The following MROH2B variants were observed in gnomAD, a reference collection of about 807,000 sequenced individuals.
MROH2B encodes maestro heat like repeat family member 2B, also known as maestro heat-like repeat-containing protein family member 2B.
MROH2B carries 177 observed loss-of-function variants against 208.6 expected under a neutral mutation model. That is an observed-to-expected ratio of 0.85 (90% CI 0.75 to 0.96). MROH2B has a LOEUF of 0.96. Among genes scored for constraint, MROH2B ranks in the 40% least tolerant of loss-of-function variants. The pLI, the probability that MROH2B is intolerant of heterozygous loss-of-function variation, is 0.00. For synonymous variants in MROH2B, 728 were observed against 659.0 expected, an observed-to-expected ratio of 1.10 and a Z score of -1.60; for missense variants, 2,002 against 1,878.7, an observed-to-expected ratio of 1.07 and a Z score of -1.21.
intron 18 of MROH2B, among the ~76,000 whole-genome samples, chr5:41,044,919 T>C (rs915899298): frequency 6.6e-6 from 1 of 152,206 alleles, no homozygotes; most frequent in African/African-American, 2.4e-5. Flanking sequence ...AGGGACTTTA[T>C]ATACTTTATC....
chr5:41,048,439 C>T lies in MROH2B; in HGVS notation c.1569G>A (p.Gly523=). The change falls in exon 16 of 42, where the codon GGG becomes GGA. Residue 523 remains glycine (G), a synonymous_variant. Transcript: ENST00000399564. ...CTATTGCACCAGCCCCACGTAACTC[C>T]CCTAAACTGGCAGGCATAGATATTA... The part of the protein sequence containing the change: ...LLVISMPASL[G]ELRGAGAIGL... The T allele has an allele frequency of 6.2e-7, 1 of 1,613,054 alleles. No individual in the cohort carries two copies. Among genetic ancestry groups the T allele is most frequent in the Non-Finnish European group, 8.5e-7 (1 of 1,179,490 alleles).
rs764081007 is a variant in MROH2B, at chr5:41,057,327, A to G, written c.790T>C (p.Tyr264His). The change falls in exon 8 of 42, where the codon TAT (tyrosine) becomes CAT (histidine). Residue 264 changes from tyrosine to histidine, a missense_variant. Physicochemically the swap from Tyr to His is moderately conservative, Grantham distance 83 (BLOSUM62 2). Transcript: ENST00000399564. The part of the protein sequence containing the change: ...LKQILTAAVL[Y>H]DIGLPRSLRR... ...AAGCTCCTTGGAAGGCCAATGTCAT[A>G]AAGAACTGCTGCAGTCAGTATTTGT... 15 of 1,587,118 alleles carry G rather than the reference A, an allele frequency of 9.5e-6. No homozygotes were observed. In the East Asian group the frequency reaches 1.6e-4, roughly 17 times the overall value.
rs547096649 is a variant in MROH2B at position 41,044,717 on chromosome 5, G to T, written c.1836+1029C>A. On this transcript the variant is annotated intron_variant, in intron 18 of 41. Coordinates refer to ENST00000399564, the MANE Select transcript of MROH2B (RefSeq NM_173489.5). ...AAATTAGAGAGTCGATCAATGAGGAGAATTTTGAAAATTACATATGTGAGT... is the reference window on the plus strand; with the variant it reads ...AAATTAGAGAGTCGATCAATGAGGATAATTTTGAAAATTACATATGTGAGT... Among the ~76,000 whole-genome samples the T allele has an allele frequency of 7.0e-4, 107 of 152,260 alleles. 1 individual carries two copies. The highest frequency in any genetic ancestry group is 4.6e-3 in the South Asian group (22 of 4,826).
At chr5:41,002,703 A>G (rs1210493594) in intron 37 of MROH2B, among the ~76,000 whole-genome samples, 2 of 152,184 alleles carry the variant, frequency 1.3e-5, no homozygotes, top group Non-Finnish European at 2.9e-5. Context: ...TGAGCTAACA[A>G]TCAGCAAGGC....
At chr5:41,040,603 A>G (rs1318869053) in intron 19 of MROH2B, among the ~76,000 whole-genome samples, 1 of 152,238 alleles carries the variant, frequency 6.6e-6, no homozygotes, top group Non-Finnish European at 1.5e-5. Context: ...TATGTAAGAC[A>G]TATTCAAGGA....
chr5:41,061,335 C>T (rs1472817287), intron 6 of MROH2B, among the ~76,000 whole-genome samples: 1 of 152,120 alleles, frequency 6.6e-6, no homozygotes, highest in East Asian at 1.9e-4. Context: ...CCTGCTACAA[C>T]CTCGGCATCT....
intron 12 of MROH2B, among the ~76,000 whole-genome samples, chr5:41,052,084 C>T (rs534577555): frequency 1.3e-5 from 2 of 151,940 alleles, no homozygotes; most frequent in East Asian, 1.9e-4. Flanking sequence ...ATTGCTTTCT[C>T]GGAAGCAATC....
intron 17 of MROH2B, 123 bp from the exon 18 acceptor site, chr5:41,045,976 A>G: frequency 2.0e-6 from 1 of 504,778 alleles, no homozygotes; most frequent in Admixed American, 3.6e-5. Context: ...TCCCTTTTCC[A>G]TAAAATAACT....
chr5:41,016,498 G>GTTTTTTTTTTTTTTTT (rs10689623), intron 28 of MROH2B, among the ~76,000 whole-genome samples: 1 of 80,778 alleles, frequency 1.2e-5, no homozygotes, highest in Non-Finnish European at 2.1e-5. Flanking sequence ...CTACTGTAAT[G>GTTTTTTTTTTTTTTTT]TTTTTTTTTT....
chr5:41,054,277 A>C (rs1271202161), intron 11 of MROH2B, among the ~76,000 whole-genome samples: 1 of 152,166 alleles, frequency 6.6e-6, no homozygotes, highest in East Asian at 1.9e-4. Flanking sequence ...ACTGCACCTT[A>C]GAACACTTTA....
Position 41,000,738 on chromosome 5 carries a change from T to C in MROH2B, c.4290A>G (p.Ile1430Met). The C allele has an allele frequency of 6.2e-7, 1 of 1,612,106 alleles. No individual in the cohort carries two copies. The highest frequency in any genetic ancestry group is 8.5e-7 in the Non-Finnish European group (1 of 1,179,198). ...GAAGGAATGAAATCAGGCTCTTTTT[T>C]ATTTCTTCAGCAAAAAAAATCTTCC... The part of the protein sequence containing the change: ...RRWKIFFAEE[I>M]KKSLISFLLH... Residue 1430 changes from isoleucine to methionine, a missense_variant, in exon 38 of 42, where the codon ATA (isoleucine) becomes ATG (methionine). Transcript: ENST00000399564.
intron 15 of MROH2B, 141 bp downstream of exon 15, chr5:41,048,960 T>A (rs1743203674): frequency 1.4e-6 from 1 of 725,792 alleles, no homozygotes; most frequent in Non-Finnish European, 2.3e-6. Context: ...ATGTCACTAG[T>A]ATAGCAGAAA....
rs1384021151 is a variant in MROH2B at position 41,061,587 on chromosome 5, A to C, written c.598T>G (p.Leu200Val). 1.2e-6 allele frequency: 2 copies of C among 1,613,314 alleles called. No individual in the cohort carries two copies. Among genetic ancestry groups the C allele is most frequent in the Admixed American group, 3.3e-5 (2 of 59,960 alleles). Residue 200 changes from leucine to valine, a missense_variant, in exon 6 of 42, where the codon TTG becomes GTG. Transcript: ENST00000399564. ...CCACTCACCTGCATGGGTGAGGCCA[A>C]AGGGGCCCACTTCTCCATTATATAC... ...FWYIMEKWAPLASPMQTLSIV... is the reference protein window; with the variant it reads ...FWYIMEKWAPVASPMQTLSIV...
intron 29 of MROH2B, among the ~76,000 whole-genome samples, chr5:41,013,353 A>G (rs1266463023): frequency 1.3e-5 from 2 of 152,154 alleles, no homozygotes; most frequent in Non-Finnish European, 2.9e-5. Context: ...CTTGGTCGAT[A>G]GCAGTGTGTG....
chr5:41,013,471 C>T (rs1741837995), intron 29 of MROH2B, among the ~76,000 whole-genome samples: 3 of 152,156 alleles, frequency 2.0e-5, no homozygotes, highest in South Asian at 2.1e-4. Flanking sequence ...GGGGATTTAA[C>T]TAAGCAAGAT....
At chr5:40,998,889 A>G (rs1002631154) in intron 40 of MROH2B, among the ~76,000 whole-genome samples, 1 of 152,166 alleles carries the variant, frequency 6.6e-6, no homozygotes, top group South Asian at 2.1e-4. Context: ...ACTTATCCAG[A>G]GTATTTGGCA....
chr5:41,034,423 G>T (rs150463327), intron 21 of MROH2B, among the ~76,000 whole-genome samples: 1 of 152,118 alleles, frequency 6.6e-6, no homozygotes, highest in East Asian at 1.9e-4. Context: ...ACTGAGCCAC[G>T]TAGGAATACT....
At chr5:41,056,892 G>A (rs10045129) in intron 9 of MROH2B, among the ~76,000 whole-genome samples, 3,746 of 151,402 alleles carry the variant, frequency 0.025, 48 homozygotes, top group Non-Finnish European at 0.025. Flanking sequence ...TATCCCAGTC[G>A]TGGAAACCCT....
At chr5:41,013,062 T>TACATTATA (rs1252375724) in intron 29 of MROH2B, among the ~76,000 whole-genome samples, 3 of 152,242 alleles carry the variant, frequency 2.0e-5, no homozygotes, top group Non-Finnish European at 2.9e-5. Flanking sequence ...TAGCAATATG[T>TACATTATA]ACATTATAAA....
Sources: allele counts gnomAD v4.1 joint callset (sites outside exome capture counted in the v4.1 genomes callset), GRCh38; gene constraint gnomAD v4.1.1; transcripts MANE v1.5; gene names NCBI Gene and HGNC (gene_info 2026-07-23, HGNC 2026-07-21).